Variants in RPL28 observed in about 807,000 individuals in gnomAD.
RPL28 encodes large ribosomal subunit protein eL28.
In RPL28, 4 loss-of-function variants were observed where a neutral mutation model predicts 12.5. The observed-to-expected ratio is 0.32, with a 90% CI of 0.16 to 0.73. The LOEUF (loss-of-function observed/expected upper bound fraction) is 0.73, where lower values mean the gene tolerates loss of function less well. Ranked by LOEUF, RPL28 falls within the 30% of genes least tolerant of loss-of-function variation. RPL28 has a pLI of 0.66. For missense variants in RPL28, 214 were observed against 197.7 expected (o/e 1.08, Z -0.49); for synonymous variants, 91 against 72.5 (o/e 1.26, Z -1.30).
chr19:55,401,218 A>G, intron 4 of RPL28: 2 of 612,016 alleles, frequency 3.3e-6, no homozygotes, highest in East Asian at 2.8e-5. Flanking sequence ...TGTGCAGGGG[A>G]GCCAAACTCC....
downstream of RPL28, among the ~76,000 whole-genome samples, chr19:55,395,513 G>T (rs184559552): frequency 5.4e-5 from 8 of 148,340 alleles, no homozygotes; most frequent in South Asian, 2.1e-4. Context: ...GCGCCATCTC[G>T]GCTCACTGCA....
Position 55,388,765 on chromosome 19 carries a change from G to A in RPL28, c.*433G>A, listed in dbSNP as rs989243508. The A allele has an allele frequency of 1.0e-5, 10 of 1,004,678 alleles. No homozygotes were observed. In the African/African-American group the frequency reaches 1.2e-4, roughly 12 times the overall value. The allele number at this position is 1,004,678 out of a possible 1,614,324, so 62.2% of individuals were successfully genotyped here. ...GGGGTGTTCCCAAGACCTGGGGGAC[G>A]ACAGACATCACGGGAGGAAGATGAG... On this transcript the variant is annotated 3_prime_UTR_variant, in exon 5 of 5. Coordinates refer to ENST00000344063, the MANE Select transcript of RPL28 (RefSeq NM_000991.5).
chr19:55,391,511 C>A lies in RPL28; in HGVS notation c.*3179C>A. On this transcript the variant is annotated 3_prime_UTR_variant, in exon 5 of 5. Transcript: ENST00000344063. Reference sequence around the variant, plus strand: ...AGAGCGCTGGGGACTCCAGACTCCCCACAGCAGCAGAGACTCGGGACTGAG... The same window carrying A: ...AGAGCGCTGGGGACTCCAGACTCCCAACAGCAGCAGAGACTCGGGACTGAG... The A allele has an allele frequency of 6.8e-7, 1 of 1,465,216 alleles. No individual in the cohort carries two copies. The highest frequency in any genetic ancestry group is 1.4e-5 in the South Asian group (1 of 72,140). The allele number at this position is 1,465,216 out of a possible 1,614,324, so 90.8% of individuals were successfully genotyped here.
rs1044239967 is a variant in RPL28 at position 55,388,841 on chromosome 19, C to T, written c.*509C>T. 11 of 986,938 alleles carry T rather than the reference C, an allele frequency of 1.1e-5. No homozygotes were observed. In the African/African-American group the frequency reaches 1.6e-4, roughly 14 times the overall value. The allele number at this position is 986,938 out of a possible 1,614,324, so 61.1% of individuals were successfully genotyped here. On this transcript the variant is annotated 3_prime_UTR_variant, in exon 5 of 5. Coordinates refer to ENST00000344063, the MANE Select transcript of RPL28 (RefSeq NM_000991.5). ...TGCAGCCACATTTGGAGGGGATGGG[C>T]TTTACTTGATGCAACCTCATCTCTG... is the stretch of plus-strand genomic sequence containing the variant.
Position 55,388,603 on chromosome 19 carries a change from C to T in RPL28, c.*271C>T, listed in dbSNP as rs1569041551. 1 of 1,228,378 alleles carries T rather than the reference C, an allele frequency of 8.1e-7. No individual in the cohort carries two copies. 76.1% of individuals were successfully genotyped at this position (1,228,378 alleles called of 1,614,324 possible). A position where few individuals can be genotyped will look rare whatever the true frequency, so the allele number is the denominator to read the frequency against. Reference sequence around the variant, plus strand: ...GACTTGTGATTGAGACCTACTGTCCCATTGTGAGGTGGCCTGAAGAATCCC... The same window carrying T: ...GACTTGTGATTGAGACCTACTGTCCTATTGTGAGGTGGCCTGAAGAATCCC... On this transcript the variant is annotated 3_prime_UTR_variant, in exon 5 of 5. Coordinates refer to ENST00000344063, the MANE Select transcript of RPL28 (RefSeq NM_000991.5).
chr19:55,389,871 T>A lies in RPL28; in HGVS notation c.*1539T>A, dbSNP rs2089973829. 1 of 985,358 alleles carries A rather than the reference T, an allele frequency of 1.0e-6. No individual in the cohort carries two copies. Among genetic ancestry groups the A allele is most frequent in the Non-Finnish European group, 1.2e-6 (1 of 829,996 alleles). 61.0% of individuals were successfully genotyped at this position (985,358 alleles called of 1,614,324 possible). A position where few individuals can be genotyped will look rare whatever the true frequency, so the allele number is the denominator to read the frequency against. On this transcript the variant is annotated 3_prime_UTR_variant, in exon 5 of 5. Transcript: ENST00000344063. ...CCACCTCCAGCTGGCCTCACTCCGC[T>A]GGTGACTTCGTACCTGCTCAGGAGC...
intron 1 of RPL28, 149 bp from the exon 2 acceptor site, chr19:55,386,200 AG>A: frequency 5.9e-6 from 4 of 683,688 alleles, no homozygotes; most frequent in Non-Finnish European, 5.0e-6. Context: ...CCGCCTGACA[AG>A]AGTTCTAGGT....
Position 55,388,291 on chromosome 19 carries a change from ATGG to A in RPL28, c.376_378del (p.Val126del). ...CATCCTGCGCAGCCAGAAGCCTGTG[ATGG>A]TGAAGAGGAAGCGGACCCGCCCCAC... On this transcript the variant is annotated inframe_deletion, in exon 5 of 5. Transcript: ENST00000344063. 1 of 1,585,816 alleles carries A rather than the reference ATGG, an allele frequency of 6.3e-7. No homozygotes were observed. The highest frequency in any genetic ancestry group is 8.6e-7 in the Non-Finnish European group (1 of 1,166,442).
Position 55,386,357 on chromosome 19 carries a change from C to A in RPL28, c.-1C>A, listed in dbSNP as rs753523529. The stretch of plus-strand genomic sequence containing the variant: ...GTGCCCGTTTCCCCGCAGCCGCCGC[C>A]ATGTCTGCGCATCTGCAATGGATGG... On this transcript the variant is annotated 5_prime_UTR_variant, in exon 2 of 5. Coordinates refer to ENST00000344063, the MANE Select transcript of RPL28 (RefSeq NM_000991.5). The A allele has an allele frequency of 6.2e-7, 1 of 1,613,912 alleles. No individual in the cohort carries two copies. Among genetic ancestry groups the A allele is most frequent in the South Asian group, 1.1e-5 (1 of 91,034 alleles).
Position 55,388,874 on chromosome 19 carries a change from C to A in RPL28, c.*542C>A. The A allele has an allele frequency of 1.0e-6, 1 of 986,018 alleles. No individual in the cohort carries two copies. Among genetic ancestry groups the A allele is most frequent in the Non-Finnish European group, 1.2e-6 (1 of 830,352 alleles). 61.1% of individuals were successfully genotyped at this position (986,018 alleles called of 1,614,324 possible). A position where few individuals can be genotyped will look rare whatever the true frequency, so the allele number is the denominator to read the frequency against. ...GATGCAACCTCATCTCTGAGATGGG[C>A]AACTTGGTGGGTGGTGGCTTATAAC... On this transcript the variant is annotated 3_prime_UTR_variant, in exon 5 of 5. Coordinates refer to ENST00000344063, the MANE Select transcript of RPL28 (RefSeq NM_000991.5).
chr19:55,390,040 C>T lies in RPL28; in HGVS notation c.*1708C>T, dbSNP rs540780867. ...CTCCCCTGGCACCTGCTTCAGTTGT[C>T]CTCCACAGCACTGATTTGCAGCCCA... On this transcript the variant is annotated 3_prime_UTR_variant, in exon 5 of 5. Transcript: ENST00000344063. 144 of 985,556 alleles carry T rather than the reference C, an allele frequency of 1.5e-4. 3 individuals are homozygous for T. The highest frequency in any genetic ancestry group is 1.2e-3 in the East Asian group (11 of 8,822). The allele number at this position is 985,556 out of a possible 1,614,324, so 61.1% of individuals were successfully genotyped here.
intron 4 of RPL28, chr19:55,401,681 C>T (rs759766193): frequency 1.3e-5 from 21 of 1,612,734 alleles, no homozygotes; most frequent in East Asian, 4.5e-5. Flanking sequence ...GCATACTCCT[C>T]GTAGTTCTCC....
In RPL28 at chr19:55,389,006, T is replaced by A; in HGVS notation, c.*674T>A. The A allele has an allele frequency of 1.0e-6, 1 of 985,116 alleles. No homozygotes were observed. The highest frequency in any genetic ancestry group is 1.2e-6 in the Non-Finnish European group (1 of 829,634). The allele number at this position is 985,116 out of a possible 1,614,324, so 61.0% of individuals were successfully genotyped here. A position where few individuals can be genotyped will look rare whatever the true frequency, so the allele number is the denominator to read the frequency against. On this transcript the variant is annotated 3_prime_UTR_variant, in exon 5 of 5. Coordinates refer to ENST00000344063, the MANE Select transcript of RPL28 (RefSeq NM_000991.5). Reference sequence around the variant, plus strand: ...GTGTCCCCATCCCTCCCCTGTCTCTTTGAGCTGGCTCTTGTCACTTAGGTC... The same window carrying A: ...GTGTCCCCATCCCTCCCCTGTCTCTATGAGCTGGCTCTTGTCACTTAGGTC...
chr19:55,402,806 G>A (rs1451282781), intron 4 of RPL28: 2 of 680,898 alleles, frequency 2.9e-6, no homozygotes, highest in East Asian at 2.8e-5. Context: ...GTACATGTGG[G>A]AGGGAAGGGT....
In RPL28 at chr19:55,399,481, A is replaced by G. The variant is rs140683192; in HGVS notation, c.325-3462A>G. On this transcript the variant is annotated intron_variant, in intron 4 of 4. Transcript: ENST00000560055. ...CCCACCCAACCTTGTTTAGTGTTTT[A>G]ACGGAGGTTTCATTACATGGGCATA... Among the ~76,000 whole-genome samples the G allele has an allele frequency of 2.1e-3, 327 of 152,272 alleles. 2 individuals carry two copies. The highest frequency in any genetic ancestry group is 7.4e-3 in the African/African-American group (308 of 41,556).
At chr19:55,386,225 C>T in intron 1 of RPL28, 125 bp from the exon 2 acceptor site, 1 of 849,542 alleles carries the variant, frequency 1.2e-6, no homozygotes, top group Non-Finnish European at 1.9e-6. Flanking sequence ...TGTCTGCCCT[C>T]AGGGGTCTCC....
chr19:55,392,404 A>C (rs2089997129), downstream of RPL28, among the ~76,000 whole-genome samples: 1 of 151,956 alleles, frequency 6.6e-6, no homozygotes, highest in Admixed American at 6.6e-5. Context: ...CTAATTTAAA[A>C]AGATATTTTG....
chr19:55,388,211 G>T, intron 4 of RPL28, 32 bp from the exon 5 acceptor site: 1 of 1,519,642 alleles, frequency 6.6e-7, no homozygotes, highest in Non-Finnish European at 8.8e-7. Flanking sequence ...GGAGTGTATG[G>T]GCTGAGCCTT....
In RPL28 at chr19:55,389,969, A is replaced by G; in HGVS notation, c.*1637A>G. 1.0e-6 allele frequency: 1 copy of G among 985,446 alleles called. No individual in the cohort carries two copies. Among genetic ancestry groups the G allele is most frequent in the Non-Finnish European group, 1.2e-6 (1 of 829,966 alleles). 61.0% of individuals were successfully genotyped at this position (985,446 alleles called of 1,614,324 possible). On this transcript the variant is annotated 3_prime_UTR_variant, in exon 5 of 5. Coordinates refer to ENST00000344063, the MANE Select transcript of RPL28 (RefSeq NM_000991.5). ...GCGCTGGGACTCCGCCTTCATAAGG[A>G]GAGCTCACTGCTCACGTTAGTAGAT...
Sources: gnomAD v4.1 joint callset for allele counts (sites outside exome capture counted in the v4.1 genomes callset) on GRCh38, gnomAD v4.1.1 for gene constraint, MANE v1.5 for transcripts, NCBI Gene and HGNC (gene_info 2026-07-23, HGNC 2026-07-21) for gene names.